Variants in RNF150 observed in about 807,000 individuals in gnomAD.
The protein encoded by RNF150 is ring finger protein 150.
In RNF150, 24 loss-of-function variants were observed where a neutral mutation model predicts 39.3. The observed-to-expected ratio is 0.61, with a 90% CI of 0.44 to 0.86. The LOEUF (loss-of-function observed/expected upper bound fraction) is 0.86, where lower values mean the gene tolerates loss of function less well. RNF150 is among the 40% of genes least tolerant of loss of function. The pLI, the probability that RNF150 is intolerant of heterozygous loss-of-function variation, is 0.00. For missense variants in RNF150, 502 were observed against 587.8 expected, an observed-to-expected ratio of 0.85 and a Z score of 1.51; for synonymous variants, 255 against 227.3, an observed-to-expected ratio of 1.12 and a Z score of -1.10.
chr4:141,134,210 A>G (rs1374009531), upstream of RNF150, among the ~76,000 whole-genome samples: 1 of 152,202 alleles, frequency 6.6e-6, no homozygotes, highest in Non-Finnish European at 1.5e-5. Flanking sequence ...TATTGTTTAT[A>G]GTGCGCTCTC....
chr4:141,094,036 T>C (rs535440059), intron 1 of RNF150, among the ~76,000 whole-genome samples: 1 of 152,086 alleles, frequency 6.6e-6, no homozygotes. Flanking sequence ...ATGATATAGA[T>C]ACAGCTAAAG....
intron 1 of RNF150, among the ~76,000 whole-genome samples, chr4:141,106,223 T>G (rs935960929): frequency 1.3e-5 from 2 of 152,192 alleles, no homozygotes; most frequent in African/African-American, 4.8e-5. Context: ...ATATCACATA[T>G]CCACTGTACC....
chr4:140,895,902 A>C (rs913132938), intron 6 of RNF150, among the ~76,000 whole-genome samples: 10 of 151,834 alleles, frequency 6.6e-5, no homozygotes, highest in Admixed American at 5.9e-4. Context: ...TTCTCAAAAG[A>C]AGACATTTAT....
At chr4:141,137,360 A>G (rs1460393998), upstream of RNF150, among the ~76,000 whole-genome samples, 2 of 152,224 alleles carry the variant, frequency 1.3e-5, no homozygotes, top group African/African-American at 4.8e-5. Flanking sequence ...TTCAGGAAAC[A>G]GAGGATAATG....
chr4:141,025,954 C>G (rs139858601), intron 1 of RNF150, among the ~76,000 whole-genome samples: 1 of 152,240 alleles, frequency 6.6e-6, no homozygotes, highest in East Asian at 1.9e-4. Flanking sequence ...GTGGAGCCGT[C>G]ATGAACTGGA....
At position 140,862,263 on chromosome 4, in the gene RNF150, T is replaced by C. The variant is rs535644384; in HGVS notation, c.*5998A>G. On this transcript the variant is annotated 3_prime_UTR_variant, in exon 7 of 7. Transcript: ENST00000515673. ...TTAATAGACGTGTATATTTTTGTCT[T>C]ATCATCAGCAAATATTTATCAGGTG... is the stretch of plus-strand genomic sequence containing the variant. 2 of 152,328 alleles carry C rather than the reference T, an allele frequency of 1.3e-5. No individual in the cohort carries two copies. The highest frequency in any genetic ancestry group is 2.4e-5 in the African/African-American group (1 of 41,580). The allele number at this position is 152,328 out of a possible 1,614,324, so 9.4% of individuals were successfully genotyped here.
At chr4:141,082,588 TA>T (rs1738197776) in intron 1 of RNF150, among the ~76,000 whole-genome samples, 1 of 136,534 alleles carries the variant, frequency 7.3e-6, no homozygotes, top group African/African-American at 2.8e-5. Context: ...TTATTTTTTT[TA>T]TTTTTTATTT....
chr4:140,873,260 T>G (rs1729016814), intron 6 of RNF150, among the ~76,000 whole-genome samples: 1 of 152,228 alleles, frequency 6.6e-6, no homozygotes, highest in African/African-American at 2.4e-5. Context: ...GAAAGAGCTG[T>G]GCCATTAGCC....
chr4:141,103,966 G>A (rs903306928), intron 1 of RNF150, among the ~76,000 whole-genome samples: 1 of 152,140 alleles, frequency 6.6e-6, no homozygotes, highest in African/African-American at 2.4e-5. Flanking sequence ...AGAAAAAGTA[G>A]TTCATTTTTC....
At chr4:140,892,650 G>T (rs1055253611) in intron 6 of RNF150, among the ~76,000 whole-genome samples, 9 of 150,698 alleles carry the variant, frequency 6.0e-5, no homozygotes, top group Non-Finnish European at 1.3e-4. Context: ...TAGGGAGTCT[G>T]GGTGACTTCT....
intron 1 of RNF150, among the ~76,000 whole-genome samples, chr4:141,008,193 A>C (rs1734942529): frequency 6.6e-6 from 1 of 152,218 alleles, no homozygotes; most frequent in South Asian, 2.1e-4. Flanking sequence ...TATACTTGAA[A>C]ATTCTATTAG....
intron 1 of RNF150, among the ~76,000 whole-genome samples, chr4:141,056,544 T>G (rs1424795103): frequency 2.0e-5 from 3 of 152,020 alleles, no homozygotes; most frequent in Non-Finnish European, 4.4e-5. Flanking sequence ...GGTCTTTTTA[T>G]ACTTTAGAGT....
chr4:141,048,502 G>A (rs74874269), intron 1 of RNF150, among the ~76,000 whole-genome samples: 2,509 of 152,200 alleles, frequency 0.016, 63 homozygotes, highest in Admixed American at 0.049. Context: ...AGAACAAGGC[G>A]GGAGGACTGC....
At chr4:141,009,628 C>T (rs1735000052) in intron 1 of RNF150, among the ~76,000 whole-genome samples, 2 of 152,176 alleles carry the variant, frequency 1.3e-5, no homozygotes, top group Admixed American at 6.5e-5. Context: ...TTATTTTCTA[C>T]CCATTGTCAT....
upstream of RNF150, among the ~76,000 whole-genome samples, chr4:141,134,545 ACTT>A (rs1381290945): frequency 1.3e-5 from 2 of 152,150 alleles, no homozygotes; most frequent in African/African-American, 4.8e-5. Flanking sequence ...CACCAGTACA[ACTT>A]CTCTTTTTCC....
rs539013182 is a variant in RNF150 at position 141,085,531 on chromosome 4, T to C, written c.484+46794A>G. Reference sequence around the variant, plus strand: ...CAACTGCCTGACATGTGAGTGAAGATGGTGCCAGACTGCCCCAGCCATCAA... The same window carrying C: ...CAACTGCCTGACATGTGAGTGAAGACGGTGCCAGACTGCCCCAGCCATCAA... On this transcript the variant is annotated intron_variant, in intron 1 of 6. Coordinates refer to ENST00000515673, the MANE Select transcript of RNF150 (RefSeq NM_020724.2). Among the ~76,000 whole-genome samples, 282 of 152,310 alleles carry C rather than the reference T, an allele frequency of 1.9e-3. 1 individual carries two copies. Among genetic ancestry groups the C allele is most frequent in the African/African-American group, 6.4e-3 (267 of 41,580 alleles).
chr4:141,074,247 G>C (rs1560723425), intron 1 of RNF150, among the ~76,000 whole-genome samples: 1 of 151,512 alleles, frequency 6.6e-6, no homozygotes, highest in African/African-American at 2.4e-5. Flanking sequence ...CACAATGATG[G>C]ACACACAAGT....
chr4:141,156,662 G>A (rs1213297844), intron 1 of RNF150, among the ~76,000 whole-genome samples: 1 of 150,864 alleles, frequency 6.6e-6, no homozygotes, highest in East Asian at 2.0e-4. Context: ...GGGAGGCTGA[G>A]GTGGGCAGAT....
At chr4:141,009,643 T>C (rs1010929141) in intron 1 of RNF150, among the ~76,000 whole-genome samples, 3 of 152,220 alleles carry the variant, frequency 2.0e-5, no homozygotes, top group Admixed American at 1.3e-4. Flanking sequence ...TGTCATCCTA[T>C]TTATTTTTCA....
Sources: gnomAD v4.1 joint callset for allele counts (sites outside exome capture counted in the v4.1 genomes callset) on GRCh38, gnomAD v4.1.1 for gene constraint, MANE v1.5 for transcripts, NCBI Gene and HGNC (gene_info 2026-07-23, HGNC 2026-07-21) for gene names.